The following DRC8 variants were observed in gnomAD, a reference collection of about 807,000 sequenced individuals.
DRC8 encodes dynein regulatory complex protein 8.
At chr1:245,050,191 G>A in the DRC8 span, among the ~76,000 whole-genome samples, 1 of 152,144 alleles carries the variant, frequency 6.6e-6, no homozygotes, top group Non-Finnish European at 1.5e-5. Flanking sequence ...TTCTCCCATT[G>A]GGAGTGACTT....
chr1:244,972,689 G>A, the DRC8 span, among the ~76,000 whole-genome samples: 1 of 151,868 alleles, frequency 6.6e-6, no homozygotes, highest in African/African-American at 2.4e-5. Flanking sequence ...GTGGTGGCAC[G>A]CCCTGTAGTC....
the DRC8 span, among the ~76,000 whole-genome samples, chr1:245,079,820 C>A: frequency 6.6e-6 from 1 of 152,180 alleles, no homozygotes; most frequent in African/African-American, 2.4e-5. Context: ...CCGGAGATAA[C>A]CTCGTAGGAT....
At chr1:244,971,285 C>T in the DRC8 span, among the ~76,000 whole-genome samples, 4 of 152,194 alleles carry the variant, frequency 2.6e-5, no homozygotes, top group Non-Finnish European at 2.9e-5. Context: ...CTTGGAACCG[C>T]TGTGCGCCGG....
the DRC8 span, among the ~76,000 whole-genome samples, chr1:245,119,646 A>AG: frequency 6.6e-6 from 1 of 151,028 alleles, no homozygotes; most frequent in Admixed American, 6.6e-5. Context: ...CTAAAAAAAA[A>AG]AAGGAGGCTG....
At chr1:244,970,969 G>T in the DRC8 span, 421 of 168,478 alleles carry the variant, frequency 2.5e-3, 4 homozygotes, top group African/African-American at 9.7e-3. Flanking sequence ...GGGCCCCGGG[G>T]GGTGGCCTGG....
the DRC8 span, among the ~76,000 whole-genome samples, chr1:245,053,692 GA>G: frequency 1.3e-5 from 2 of 152,178 alleles, no homozygotes; most frequent in Non-Finnish European, 2.9e-5. Flanking sequence ...AGACTAGAGA[GA>G]AAGAAGTTGC....
At chr1:245,108,252 G>A in the DRC8 span, among the ~76,000 whole-genome samples, 1 of 152,034 alleles carries the variant, frequency 6.6e-6, no homozygotes, top group Non-Finnish European at 1.5e-5. Context: ...GTCTCACTCT[G>A]TCTCCAGTAC....
the DRC8 span, among the ~76,000 whole-genome samples, chr1:245,119,197 A>T: frequency 6.6e-6 from 1 of 152,206 alleles, no homozygotes; most frequent in Non-Finnish European, 1.5e-5. Context: ...CTCTTGACCA[A>T]GGCATATTCA....
the DRC8 span, chr1:244,970,054 G>A: frequency 3.2e-6 from 2 of 631,306 alleles, no homozygotes; most frequent in Non-Finnish European, 5.7e-6. Context: ...GTGTGTGCGC[G>A]CGCGTGCTGT....
the DRC8 span, among the ~76,000 whole-genome samples, chr1:245,103,969 A>G: frequency 2.6e-5 from 4 of 152,316 alleles, no homozygotes; most frequent in East Asian, 7.7e-4. Context: ...GAGGCGGGGA[A>G]GTTGCAGACG....
At chr1:245,050,794 C>G in the DRC8 span, among the ~76,000 whole-genome samples, 1 of 151,942 alleles carries the variant, frequency 6.6e-6, no homozygotes, top group South Asian at 2.1e-4. Context: ...CTCTTTTTCT[C>G]CTCTGCAAGT....
chr1:245,087,325 G>C, the DRC8 span: 1 of 1,609,392 alleles, frequency 6.2e-7, no homozygotes, highest in South Asian at 1.1e-5. Context: ...TAATTACAAG[G>C]ACTATATAAC....
the DRC8 span, among the ~76,000 whole-genome samples, chr1:245,038,035 G>T: frequency 6.6e-6 from 1 of 152,126 alleles, no homozygotes; most frequent in Admixed American, 6.5e-5. Flanking sequence ...AAATTATAAA[G>T]ATGCCAAATA....
chr1:245,034,569 C>T, the DRC8 span, among the ~76,000 whole-genome samples: 1 of 138,534 alleles, frequency 7.2e-6, no homozygotes, highest in African/African-American at 2.8e-5. Flanking sequence ...CCATTCCACT[C>T]CAGCCTGGGT....
chr1:245,022,135 A>G, the DRC8 span, among the ~76,000 whole-genome samples: 1 of 150,984 alleles, frequency 6.6e-6, no homozygotes, highest in Non-Finnish European at 1.5e-5. Flanking sequence ...ATTTTGCCTC[A>G]TATAAAACAC....
chr1:244,972,182 A>G, the DRC8 span, among the ~76,000 whole-genome samples: 4 of 152,236 alleles, frequency 2.6e-5, no homozygotes, highest in Non-Finnish European at 5.9e-5. Flanking sequence ...AATTTTGTCG[A>G]TAACTCATAG....
the DRC8 span, among the ~76,000 whole-genome samples, chr1:245,048,151 G>T: frequency 6.6e-6 from 1 of 152,096 alleles, no homozygotes; most frequent in Non-Finnish European, 1.5e-5. Flanking sequence ...CCACATCTAA[G>T]TGGGCTTGTG....
the DRC8 span, among the ~76,000 whole-genome samples, chr1:245,110,357 C>T: frequency 6.6e-6 from 1 of 151,798 alleles, no homozygotes; most frequent in African/African-American, 2.4e-5. Context: ...GCATTCTAAC[C>T]TGGGCGACAG....
the DRC8 span, among the ~76,000 whole-genome samples, chr1:245,121,196 A>T: frequency 1.3e-5 from 2 of 152,232 alleles, no homozygotes; most frequent in East Asian, 3.8e-4. Context: ...TAAGTGATAT[A>T]ATAGGGAAAT....
Sources: gnomAD v4.1 joint callset for allele counts (sites outside exome capture counted in the v4.1 genomes callset) on GRCh38, gnomAD v4.1.1 for gene constraint, MANE v1.5 for transcripts, NCBI Gene and HGNC (gene_info 2026-07-23, HGNC 2026-07-21) for gene names.